Variants in TMEM74 observed in about 807,000 individuals in gnomAD.
TMEM74 encodes transmembrane protein 74.
In TMEM74, 13 loss-of-function variants were observed where a neutral mutation model predicts 18.1. The observed-to-expected ratio is 0.72, with a 90% CI of 0.47 to 1.14. TMEM74 has a LOEUF of 1.14. Ranked by LOEUF, TMEM74 falls within the 50% of genes most tolerant of loss-of-function variation. The probability of loss-of-function intolerance (pLI) is 0.00; values close to 1 mark genes in which losing one functional copy is unlikely to be tolerated. For missense variants in TMEM74, 372 were observed against 375.9 expected (o/e 0.99, Z 0.09); for synonymous variants, 159 against 146.6 (o/e 1.08, Z -0.61).
chr8:108,650,296 C>G (rs1421260082), intron 2 of TMEM74, among the ~76,000 whole-genome samples: 1 of 152,118 alleles, frequency 6.6e-6, no homozygotes, highest in East Asian at 1.9e-4. Flanking sequence ...ATTTCAATAA[C>G]CTCCTAATTT....
intron 1 of TMEM74, among the ~76,000 whole-genome samples, chr8:108,694,040 C>A (rs1813257227): frequency 6.6e-6 from 1 of 152,180 alleles, no homozygotes; most frequent in Non-Finnish European, 1.5e-5. Flanking sequence ...TTATGAGGTA[C>A]AAGTGCAATT....
intron 1 of TMEM74, among the ~76,000 whole-genome samples, chr8:108,733,574 A>C (rs1263509142): frequency 6.6e-6 from 1 of 152,224 alleles, no homozygotes; most frequent in African/African-American, 2.4e-5. Flanking sequence ...TGTAGTTTAC[A>C]TAAGTACACT....
intron 1 of TMEM74, among the ~76,000 whole-genome samples, chr8:108,689,100 C>T (rs1402019152): frequency 2.6e-5 from 4 of 152,176 alleles, no homozygotes; most frequent in Non-Finnish European, 4.4e-5. Flanking sequence ...AGTGACTCTT[C>T]CCAGAACACT....
At chr8:108,671,196 G>C (rs1018185361) in intron 1 of TMEM74, among the ~76,000 whole-genome samples, 1 of 152,152 alleles carries the variant, frequency 6.6e-6, no homozygotes, top group Non-Finnish European at 1.5e-5. Flanking sequence ...ATTTTCTTTA[G>C]TGTTTGACTA....
chr8:108,629,054 G>T (rs750876553), intron 2 of TMEM74, among the ~76,000 whole-genome samples: 9 of 151,986 alleles, frequency 5.9e-5, no homozygotes, highest in Non-Finnish European at 1.3e-4. Context: ...CAGATGGATA[G>T]ATTGCAAAAA....
intron 1 of TMEM74, among the ~76,000 whole-genome samples, chr8:108,762,186 C>A (rs1184530889): frequency 1.3e-5 from 2 of 152,148 alleles, no homozygotes; most frequent in Non-Finnish European, 2.9e-5. Flanking sequence ...CATAGACTAT[C>A]ATCTCCATTT....
intron 1 of TMEM74, among the ~76,000 whole-genome samples, chr8:108,686,600 A>G (rs76719802): frequency 6.6e-6 from 1 of 152,140 alleles, no homozygotes; most frequent in East Asian, 1.9e-4. Flanking sequence ...GTTTTGGAAG[A>G]TGATGTTGTC....
At chr8:108,728,851 C>T (rs1813666152) in intron 1 of TMEM74, among the ~76,000 whole-genome samples, 1 of 152,092 alleles carries the variant, frequency 6.6e-6, no homozygotes, top group Non-Finnish European at 1.5e-5. Flanking sequence ...GTTAAGAAGC[C>T]ATGTGTTTTT....
At chr8:108,667,636 C>T (rs778775538) in intron 1 of TMEM74, among the ~76,000 whole-genome samples, 1 of 152,102 alleles carries the variant, frequency 6.6e-6, no homozygotes, top group Non-Finnish European at 1.5e-5. Flanking sequence ...CAAGGTTTTG[C>T]AAATTATAGA....
chr8:108,653,537 T>C (rs1812794074), intron 2 of TMEM74, among the ~76,000 whole-genome samples: 2 of 152,198 alleles, frequency 1.3e-5, no homozygotes, highest in African/African-American at 4.8e-5. Flanking sequence ...AAAGTTTATG[T>C]AACAAGGAAT....
At chr8:108,698,438 C>G (rs1299716967) in intron 1 of TMEM74, among the ~76,000 whole-genome samples, 1 of 152,192 alleles carries the variant, frequency 6.6e-6, no homozygotes, top group Admixed American at 6.5e-5. Flanking sequence ...GTTTCCTCAG[C>G]TGTAGAATGG....
intron 2 of TMEM74, among the ~76,000 whole-genome samples, chr8:108,640,372 CCA>C (rs1453911099): frequency 6.6e-6 from 1 of 150,914 alleles, no homozygotes; most frequent in Admixed American, 6.6e-5. Context: ...CCTCGGCCTC[CCA>C]AAGTGCTGGG....
chr8:108,677,682 G>T (rs1403878823), intron 1 of TMEM74, among the ~76,000 whole-genome samples: 2 of 151,986 alleles, frequency 1.3e-5, no homozygotes, highest in Non-Finnish European at 2.9e-5. Context: ...CTCGCAGCAA[G>T]AGGGAAACTG....
chr8:108,722,513 C>T (rs554557097), intron 1 of TMEM74, among the ~76,000 whole-genome samples: 16 of 152,234 alleles, frequency 1.1e-4, no homozygotes, highest in African/African-American at 3.4e-4. Context: ...AGTGGGATTT[C>T]GGTTTAAATT....
chr8:108,737,913 G>T (rs1017011105), intron 1 of TMEM74, among the ~76,000 whole-genome samples: 1 of 152,032 alleles, frequency 6.6e-6, no homozygotes, highest in Non-Finnish European at 1.5e-5. Flanking sequence ...CTCCAAACTG[G>T]TAAATATTAG....
At chr8:108,718,984 G>A (rs898200238) in intron 1 of TMEM74, among the ~76,000 whole-genome samples, 4 of 147,542 alleles carry the variant, frequency 2.7e-5, no homozygotes, top group East Asian at 2.0e-4. Flanking sequence ...ATATATATAC[G>A]TATATATACG....
At chr8:108,734,523 C>T (rs982439929) in intron 1 of TMEM74, among the ~76,000 whole-genome samples, 1 of 152,078 alleles carries the variant, frequency 6.6e-6, no homozygotes. Context: ...ATACAAGTTA[C>T]GTTAATTATT....
chr8:108,770,358 C>G (rs944779755), intron 1 of TMEM74, among the ~76,000 whole-genome samples: 4 of 152,178 alleles, frequency 2.6e-5, no homozygotes, highest in Non-Finnish European at 5.9e-5. Context: ...ACAACAAAAA[C>G]TTCCCAGAAT....
intron 2 of TMEM74, chr8:108,652,397 G>A (rs185703507): frequency 1.1e-4 from 27 of 250,234 alleles, no homozygotes; most frequent in Middle Eastern, 2.6e-3. Flanking sequence ...TTAGAAGGGA[G>A]TGCTTAGAAC....
Sources: allele counts gnomAD v4.1 joint callset (sites outside exome capture counted in the v4.1 genomes callset), GRCh38; gene constraint gnomAD v4.1.1; transcripts MANE v1.5; gene names NCBI Gene and HGNC (gene_info 2026-07-23, HGNC 2026-07-21).